The following METAP1D variants were observed in gnomAD, a reference collection of about 807,000 sequenced individuals.
The protein encoded by METAP1D is methionyl aminopeptidase type 1D, mitochondrial, also known as methionine aminopeptidase 1D, mitochondrial.
Under a neutral mutation model 40.5 loss-of-function variants are expected in METAP1D, and 31 were observed. The observed-to-expected ratio is 0.77, with a 90% confidence interval of 0.58 to 1.03. The LOEUF is 1.03. Among genes scored for constraint, METAP1D ranks in the 50% least tolerant of loss-of-function variants. The probability of loss-of-function intolerance (pLI) is 0.00; values close to 1 mark genes in which losing one functional copy is unlikely to be tolerated. For missense variants in METAP1D, 411 were observed against 420.7 expected, an observed-to-expected ratio of 0.98 and a Z score of 0.20; for synonymous variants, 151 against 146.4, an observed-to-expected ratio of 1.03 and a Z score of -0.22.
chr2:172,053,685 T>C (rs1689937118), intron 1 of METAP1D, among the ~76,000 whole-genome samples: 1 of 152,220 alleles, frequency 6.6e-6, no homozygotes, highest in Admixed American at 6.5e-5. Flanking sequence ...AAAAAATATA[T>C]TCAGTAAGAC....
In METAP1D at chr2:172,034,001, C is replaced by T. The variant is rs534477950; in HGVS notation, c.41-27497C>T. Among the ~76,000 whole-genome samples, 63 of 147,996 alleles carry T rather than the reference C, an allele frequency of 4.3e-4. 2 individuals carry two copies. Among genetic ancestry groups the T allele is most frequent in the African/African-American group, 1.5e-3 (61 of 40,012 alleles). On this transcript the variant is annotated intron_variant, in intron 1 of 9. Transcript: ENST00000315796. ...CTGAGGTAGGAAAATCACTTGAACCCAGGAGGCGGAGGTTGCGGCGAGTGG... is the reference window on the plus strand; with the variant it reads ...CTGAGGTAGGAAAATCACTTGAACCTAGGAGGCGGAGGTTGCGGCGAGTGG...
chr2:172,065,878 G>A, intron 4 of METAP1D, 126 bp downstream of exon 4: 1 of 1,030,234 alleles, frequency 9.7e-7, no homozygotes, highest in Admixed American at 3.0e-5. Context: ...AATTGATTAT[G>A]ATAAAACAGA....
intron 1 of METAP1D, among the ~76,000 whole-genome samples, chr2:172,041,197 A>C (rs942361714): frequency 6.6e-6 from 1 of 151,966 alleles, no homozygotes; most frequent in Non-Finnish European, 1.5e-5. Flanking sequence ...GCGGTGGCTC[A>C]TTCCTGTAAT....
chr2:172,003,320 C>G (rs562217294), intron 1 of METAP1D, among the ~76,000 whole-genome samples: 1 of 152,260 alleles, frequency 6.6e-6, no homozygotes, highest in East Asian at 1.9e-4. Flanking sequence ...GGAACTCTCT[C>G]CTATCTCAGT....
intron 3 of METAP1D, chr2:172,064,477 A>G (rs788162): frequency 0.14 from 21,931 of 152,102 alleles, 2,438 homozygotes; most frequent in East Asian, 0.49. Flanking sequence ...AAAATTAGCC[A>G]GGCATGGTGG....
chr2:172,065,835 T>C (rs778013929), intron 4 of METAP1D, 83 bp downstream of exon 4: 1 of 1,409,428 alleles, frequency 7.1e-7, no homozygotes, highest in Non-Finnish European at 9.6e-7. Flanking sequence ...AAAGACACTA[T>C]CATTCAATTG....
At chr2:172,071,190 A>C in intron 6 of METAP1D, 120 bp downstream of exon 6, 1 of 848,928 alleles carries the variant, frequency 1.2e-6, no homozygotes, top group Non-Finnish European at 1.6e-6. Context: ...GTCTGATATC[A>C]GTATGTGAAC....
intron 1 of METAP1D, among the ~76,000 whole-genome samples, chr2:172,034,124 G>T (rs1689313954): frequency 6.6e-6 from 1 of 150,444 alleles, no homozygotes; most frequent in Admixed American, 6.6e-5. Flanking sequence ...ATGTACACAT[G>T]GAAATATTTA....
At chr2:172,039,868 G>A (rs1220330778) in intron 1 of METAP1D, among the ~76,000 whole-genome samples, 1 of 152,038 alleles carries the variant, frequency 6.6e-6, no homozygotes, top group Admixed American at 6.6e-5. Context: ...GTAGAGGCGG[G>A]ATTTCGCCAT....
At chr2:172,074,905 A>G (rs1690507750) in intron 6 of METAP1D, among the ~76,000 whole-genome samples, 1 of 152,210 alleles carries the variant, frequency 6.6e-6, no homozygotes, top group African/African-American at 2.4e-5. Flanking sequence ...TTTCTTTATA[A>G]CAGCATGTAC....
chr2:172,028,394 A>T (rs1263262313), intron 1 of METAP1D, among the ~76,000 whole-genome samples: 1 of 152,226 alleles, frequency 6.6e-6, no homozygotes, highest in African/African-American at 2.4e-5. Flanking sequence ...GGGTCAGACC[A>T]TTGCAGGCCC....
intron 1 of METAP1D, among the ~76,000 whole-genome samples, chr2:172,009,226 G>A (rs1188047120): frequency 6.6e-6 from 1 of 151,794 alleles, no homozygotes; most frequent in Non-Finnish European, 1.5e-5. Flanking sequence ...GTATTTTTTA[G>A]TAGCGACGGG....
chr2:172,036,587 G>A (rs1559004092), intron 1 of METAP1D, among the ~76,000 whole-genome samples: 1 of 151,556 alleles, frequency 6.6e-6, no homozygotes, highest in African/African-American at 2.4e-5. Context: ...GGATGGTCTC[G>A]ATCTCCTGAC....
At chr2:172,051,529 A>G (rs1689883811) in intron 1 of METAP1D, among the ~76,000 whole-genome samples, 1 of 152,148 alleles carries the variant, frequency 6.6e-6, no homozygotes, top group Non-Finnish European at 1.5e-5. Flanking sequence ...ATCAGTTGCT[A>G]TTGATAATTT....
In METAP1D at chr2:172,071,000, A is replaced by T. The variant is rs1690407732; in HGVS notation, c.634A>T (p.Arg212Trp). The T allele has an allele frequency of 1.9e-6, 3 of 1,613,354 alleles. No homozygotes were observed. The highest frequency in any genetic ancestry group is 2.5e-6 in the Non-Finnish European group (3 of 1,179,462). ...CGKKLVEVAR[R>W]CRDEAIAACR... ...TAAAAAGTTAGTGGAGGTTGCCAGG[A>T]GGTGTAGAGATGAAGCAATTGCAGC... Residue 212 changes from arginine to tryptophan, a missense_variant, in exon 6 of 10, where the codon AGG becomes TGG. Transcript: ENST00000315796.
At chr2:172,067,824 C>A (rs1198414091) in intron 5 of METAP1D, among the ~76,000 whole-genome samples, 1 of 152,014 alleles carries the variant, frequency 6.6e-6, no homozygotes, top group African/African-American at 2.4e-5. Flanking sequence ...GAAATATTTC[C>A]AAGTGTCTAG....
rs1184770965 is a variant in METAP1D at position 172,080,980 on chromosome 2, A to C, written c.*574A>C. 1 of 158,522 alleles carries C rather than the reference A, an allele frequency of 6.3e-6. No individual in the cohort carries two copies. Among genetic ancestry groups the C allele is most frequent in the Non-Finnish European group, 1.4e-5 (1 of 71,952 alleles). 9.8% of individuals were successfully genotyped at this position (158,522 alleles called of 1,614,324 possible). On this transcript the variant is annotated 3_prime_UTR_variant, in exon 10 of 10. Transcript: ENST00000315796. ...CTTTCCCCTCCATCGCGGCTTTGCG[A>C]TGAAAGATTAGCCCGCGAACAGAGG...
At chr2:172,039,889 C>T (rs1298499460) in intron 1 of METAP1D, among the ~76,000 whole-genome samples, 1 of 152,116 alleles carries the variant, frequency 6.6e-6, no homozygotes, top group Non-Finnish European at 1.5e-5. Flanking sequence ...GTTGGCCAGG[C>T]TGGTCTCGAA....
intron 1 of METAP1D, among the ~76,000 whole-genome samples, chr2:172,040,816 G>A (rs1188348322): frequency 7.5e-6 from 1 of 133,152 alleles, no homozygotes; most frequent in East Asian, 2.4e-4. Context: ...GCACAACCTC[G>A]GCTCACTGCA....
Sources: allele counts gnomAD v4.1 joint callset (sites outside exome capture counted in the v4.1 genomes callset), GRCh38; gene constraint gnomAD v4.1.1; transcripts MANE v1.5; gene names NCBI Gene and HGNC (gene_info 2026-07-23, HGNC 2026-07-21).